Variants in ARIH2 observed in about 807,000 individuals in gnomAD.
ARIH2 encodes the protein E3 ubiquitin-protein ligase ARIH2.
In ARIH2, 12 loss-of-function variants were observed where a neutral mutation model predicts 79.8. The observed-to-expected ratio is 0.15, with a 90% CI of 0.10 to 0.24. ARIH2 has a LOEUF of 0.24. Among genes scored for constraint, ARIH2 ranks in the 10% least tolerant of loss-of-function variants. The pLI is 1.00. For synonymous variants in ARIH2, 224 were observed against 213.9 expected (o/e 1.05, Z -0.41); for missense variants, 301 against 618.3 (o/e 0.49, Z 5.44).
intron 3 of ARIH2, among the ~76,000 whole-genome samples, chr3:48,947,111 G>A (rs990549265): frequency 1.3e-5 from 2 of 152,128 alleles, no homozygotes; most frequent in South Asian, 2.1e-4. Flanking sequence ...AGAACATCCG[G>A]TGAAATACTC....
At position 48,983,301 on chromosome 3, in the gene ARIH2, G is replaced by A. The variant is rs776112711; in HGVS notation, c.*31G>A. 3 of 1,611,686 alleles carry A rather than the reference G, an allele frequency of 1.9e-6. No individual in the cohort carries two copies. Among genetic ancestry groups the A allele is most frequent in the African/African-American group, 2.7e-5 (2 of 74,896 alleles). On this transcript the variant is annotated 3_prime_UTR_variant, in exon 16 of 16. Transcript: ENST00000356401. ...GATGTGGATGTGCCGGGGTGAGGAA[G>A]ATGTGGCTGCAAGGTCTCCCGGCTG... is the stretch of plus-strand genomic sequence containing the variant.
intron 4 of ARIH2, among the ~76,000 whole-genome samples, chr3:48,963,019 C>T (rs2091431403): frequency 6.6e-6 from 1 of 152,156 alleles, no homozygotes; most frequent in South Asian, 2.1e-4. Context: ...CCAGCACTTG[C>T]CACCATGCCT....
chr3:48,963,458 GAC>G (rs2107549037), intron 4 of ARIH2, among the ~76,000 whole-genome samples: 1 of 152,306 alleles, frequency 6.6e-6, no homozygotes, highest in African/African-American at 2.4e-5. Flanking sequence ...ACATAGATGA[GAC>G]ATAATTCTTT....
intron 3 of ARIH2, among the ~76,000 whole-genome samples, chr3:48,928,920 A>C (rs1311085389): frequency 6.6e-6 from 1 of 151,954 alleles, no homozygotes; most frequent in Non-Finnish European, 1.5e-5. Context: ...GGACCTATGG[A>C]TCCTCTGGGT....
At chr3:48,975,720 A>C (rs1227548620) in intron 11 of ARIH2, among the ~76,000 whole-genome samples, 3 of 151,360 alleles carry the variant, frequency 2.0e-5, no homozygotes, top group African/African-American at 7.3e-5. Flanking sequence ...ATCTTCCACC[A>C]CGTCTGGCTA....
intron 3 of ARIH2, among the ~76,000 whole-genome samples, chr3:48,941,171 CAAA>C (rs11353326): frequency 1.4e-4 from 19 of 132,006 alleles, no homozygotes; most frequent in Admixed American, 1.5e-4. Context: ...GACTCCGTCT[CAAA>C]AAAAAAAAAA....
intron 2 of ARIH2, among the ~76,000 whole-genome samples, chr3:48,925,846 G>A (rs2085512440): frequency 1.3e-5 from 2 of 151,770 alleles, no homozygotes; most frequent in Non-Finnish European, 2.9e-5. Context: ...AGCCACCTGA[G>A]TAGCTGGGGA....
At chr3:48,949,265 C>T (rs2089638032) in intron 3 of ARIH2, among the ~76,000 whole-genome samples, 1 of 152,130 alleles carries the variant, frequency 6.6e-6, no homozygotes, top group Admixed American at 6.5e-5. Context: ...CTACAGGCGC[C>T]CGCCGTGACG....
At chr3:48,920,430 T>A (rs2084653448) in intron 1 of ARIH2, among the ~76,000 whole-genome samples, 1 of 113,656 alleles carries the variant, frequency 8.8e-6, no homozygotes, top group Non-Finnish European at 1.8e-5. Flanking sequence ...CTTTTTTTTT[T>A]GGAGGAGCCT....
At chr3:48,980,205 G>A in intron 12 of ARIH2, 148 bp from the exon 13 acceptor site, 2 of 775,440 alleles carry the variant, frequency 2.6e-6, no homozygotes, top group Non-Finnish European at 4.2e-6. Flanking sequence ...AGGATGGACT[G>A]AAGAAGACCT....
At position 48,968,525 on chromosome 3, in the gene ARIH2, G is replaced by A; in HGVS notation, c.539-9G>A. The A allele has an allele frequency of 1.2e-6, 2 of 1,604,592 alleles. No homozygotes were observed. Among genetic ancestry groups the A allele is most frequent in the Non-Finnish European group, 1.7e-6 (2 of 1,173,522 alleles). On this transcript the variant is annotated splice_polypyrimidine_tract_variant and intron_variant, in intron 6 of 15. Coordinates refer to ENST00000356401, the MANE Select transcript of ARIH2 (RefSeq NM_006321.4). The stretch of plus-strand genomic sequence containing the variant: ...CACCTGGCCCCATCAGGTTGTTTTT[G>A]TTCAACAGGAGTCTCTTGCATGGCT...
chr3:48,982,961 A>G lies in ARIH2; in HGVS notation c.1392A>G (p.Ala464=). Residue 464 remains alanine, a synonymous_variant, in exon 15 of 16, where the codon GCA becomes GCG. Transcript: ENST00000356401. ...IENLSWKVER[A]DSYDRGDLEN... ...ACCTCTCATGGAAAGTGGAGCGTGC[A>G]GACAGCTATGACAGAGGGGTAAGTG... The G allele has an allele frequency of 6.2e-7, 1 of 1,614,232 alleles. No individual in the cohort carries two copies. The highest frequency in any genetic ancestry group is 8.5e-7 in the Non-Finnish European group (1 of 1,180,032).
chr3:48,940,984 A>G (rs908489773), intron 3 of ARIH2, among the ~76,000 whole-genome samples: 5 of 150,568 alleles, frequency 3.3e-5, no homozygotes, highest in Non-Finnish European at 5.9e-5. Flanking sequence ...CCTGGCTAAC[A>G]TGGTGAAACC....
intron 3 of ARIH2, among the ~76,000 whole-genome samples, chr3:48,959,038 C>T (rs748979752): frequency 4.0e-5 from 6 of 149,984 alleles, no homozygotes; most frequent in Admixed American, 1.3e-4. Flanking sequence ...TAAAATAGGC[C>T]GAGCGCGGTG....
At chr3:48,944,925 G>T in intron 3 of ARIH2, 1 of 377,840 alleles carries the variant, frequency 2.6e-6, no homozygotes, top group Non-Finnish European at 5.1e-6. Context: ...AGCCATTCTA[G>T]CCCAGGCCCA....
Position 48,961,657 on chromosome 3 carries a change from C to G in ARIH2, c.301C>G (p.Gln101Glu), listed in dbSNP as rs1455390747. The change falls in exon 4 of 16, where the codon CAA becomes GAA. Residue 101 changes from glutamine (Q) to glutamate (E), a missense_variant. Coordinates refer to ENST00000356401, the MANE Select transcript of ARIH2 (RefSeq NM_006321.4). ...AKLILVNFHW[Q>E]VSEILDRYKS... ...ACTTATATTAGTTAATTTCCACTGG[C>G]AAGTTTCAGAGATATTGGACAGGTA... 1.2e-6 allele frequency: 2 copies of G among 1,609,260 alleles called. No homozygotes were observed. The highest frequency in any genetic ancestry group is 2.7e-5 in the African/African-American group (2 of 74,798).
chr3:48,966,256 C>A (rs1370742155), intron 5 of ARIH2, among the ~76,000 whole-genome samples: 1 of 152,122 alleles, frequency 6.6e-6, no homozygotes, highest in Non-Finnish European at 1.5e-5. Context: ...CCTCTTAAGA[C>A]AAAGGTTTCC....
rs778218697 is a variant in ARIH2, at chr3:48,980,410, G to A, written c.1171G>A (p.Glu391Lys). 1 of 1,614,116 alleles carries A rather than the reference G, an allele frequency of 6.2e-7. No individual in the cohort carries two copies. The highest frequency in any genetic ancestry group is 8.5e-7 in the Non-Finnish European group (1 of 1,180,034). The stretch of plus-strand genomic sequence containing the variant: ...GGCACAGACATACCAGCGGATTCAC[G>A]AGAAGATTCAGGAGAGGGTCATGAA... ...LEAQTYQRIH[E>K]KIQERVMNNL... The change falls in exon 13 of 16, where the codon GAG becomes AAG. Residue 391 changes from glutamate to lysine, a missense_variant. Physicochemically the swap from Glu to Lys is moderately conservative, Grantham distance 56. Coordinates refer to ENST00000356401, the MANE Select transcript of ARIH2 (RefSeq NM_006321.4).
At chr3:48,941,144 C>A (rs1033344876) in intron 3 of ARIH2, among the ~76,000 whole-genome samples, 1 of 148,532 alleles carries the variant, frequency 6.7e-6, no homozygotes, top group Non-Finnish European at 1.5e-5. Flanking sequence ...TGCACTCCAG[C>A]CTGGGTGACA....
Sources: gnomAD v4.1 joint callset for allele counts (sites outside exome capture counted in the v4.1 genomes callset) on GRCh38, gnomAD v4.1.1 for gene constraint, MANE v1.5 for transcripts, NCBI Gene and HGNC (gene_info 2026-07-23, HGNC 2026-07-21) for gene names.